TNFSF4: variants seen among roughly 807,000 people sequenced by gnomAD.
TNFSF4 encodes TNF superfamily member 4.
TNFSF4 carries 4 observed loss-of-function variants against 7.3 expected under a neutral mutation model. The observed-to-expected ratio is 0.55, with a 90% CI of 0.27 to 1.25. TNFSF4 has a LOEUF of 1.25. TNFSF4 is among the 50% of genes most tolerant of loss of function. The pLI is 0.12. For missense variants in TNFSF4, 181 were observed against 208.8 expected, an observed-to-expected ratio of 0.87 and a Z score of 0.82; for synonymous variants, 76 against 83.7, an observed-to-expected ratio of 0.91 and a Z score of 0.50.
At chr1:173,378,516 G>A in the TNFSF4 span, among the ~76,000 whole-genome samples, 1,487 of 152,272 alleles carry the variant, frequency 9.8e-3, 23 homozygotes, top group African/African-American at 0.033. Flanking sequence ...CACAAACCCT[G>A]AAAAAGAGGT....
At chr1:173,316,594 G>T in the TNFSF4 span, among the ~76,000 whole-genome samples, 1 of 152,036 alleles carries the variant, frequency 6.6e-6, no homozygotes. Context: ...AATGTGGTAT[G>T]CATCAATGTT....
At chr1:173,231,308 C>T in the TNFSF4 span, among the ~76,000 whole-genome samples, 2 of 152,058 alleles carry the variant, frequency 1.3e-5, no homozygotes, top group African/African-American at 2.4e-5. Context: ...AATCAATAAA[C>T]ATATTCCAGC....
chr1:173,277,719 A>G, the TNFSF4 span, among the ~76,000 whole-genome samples: 3 of 152,164 alleles, frequency 2.0e-5, no homozygotes, highest in Non-Finnish European at 4.4e-5. Context: ...CTTACAATGT[A>G]TCAGGCACAT....
At chr1:173,399,213 C>T in the TNFSF4 span, among the ~76,000 whole-genome samples, 3 of 152,288 alleles carry the variant, frequency 2.0e-5, no homozygotes, top group South Asian at 6.2e-4. Context: ...ATGGTCCTCA[C>T]CCCTGCTCTA....
At chr1:173,226,920 AG>A in the TNFSF4 span, among the ~76,000 whole-genome samples, 2 of 152,230 alleles carry the variant, frequency 1.3e-5, no homozygotes, top group African/African-American at 2.4e-5. Flanking sequence ...TATAGAGAAA[AG>A]GGGAAGTATG....
chr1:173,421,550 C>G, the TNFSF4 span, among the ~76,000 whole-genome samples: 1 of 152,230 alleles, frequency 6.6e-6, no homozygotes, highest in East Asian at 1.9e-4. Context: ...TAAAATAATC[C>G]TTGTCACTGT....
chr1:173,260,349 T>C, the TNFSF4 span, among the ~76,000 whole-genome samples: 3 of 152,016 alleles, frequency 2.0e-5, no homozygotes, highest in East Asian at 5.8e-4. Flanking sequence ...AAGCACCAAA[T>C]ATGGAAAGGA....
chr1:173,398,409 C>CTTTTTTTTT, the TNFSF4 span, among the ~76,000 whole-genome samples: 32 of 101,572 alleles, frequency 3.2e-4, no homozygotes, highest in South Asian at 6.9e-4. Context: ...TATTTCTTTT[C>CTTTTTTTTT]TTTTTTTTTT....
At chr1:173,311,232 T>C in the TNFSF4 span, among the ~76,000 whole-genome samples, 84 of 152,166 alleles carry the variant, frequency 5.5e-4, no homozygotes, top group African/African-American at 2.0e-3. Context: ...TTTGCCTTTC[T>C]TTCCTGTGTA....
the TNFSF4 span, among the ~76,000 whole-genome samples, chr1:173,272,517 A>C: frequency 2.6e-5 from 4 of 152,094 alleles, no homozygotes; most frequent in Admixed American, 2.6e-4. Flanking sequence ...TTTCCCATCG[A>C]AATTCATGAA....
intron 1 of TNFSF4, among the ~76,000 whole-genome samples, chr1:173,203,890 C>G (rs1240969242): frequency 6.6e-6 from 1 of 152,162 alleles, no homozygotes; most frequent in Admixed American, 6.6e-5. Context: ...CCAGGTAAGA[C>G]TGGAAGCCTG....
the TNFSF4 span, among the ~76,000 whole-genome samples, chr1:173,379,260 C>A: frequency 3.9e-5 from 6 of 152,042 alleles, no homozygotes; most frequent in African/African-American, 1.4e-4. Context: ...CCCACTGGGA[C>A]CTCAACTCAA....
the TNFSF4 span, among the ~76,000 whole-genome samples, chr1:173,305,387 C>T: frequency 1.6e-4 from 24 of 151,964 alleles, no homozygotes; most frequent in Admixed American, 3.3e-4. Flanking sequence ...GGATGAAACA[C>T]GCTTAAGTGG....
At chr1:173,282,920 T>A in the TNFSF4 span, among the ~76,000 whole-genome samples, 1 of 152,234 alleles carries the variant, frequency 6.6e-6, no homozygotes, top group Non-Finnish European at 1.5e-5. Flanking sequence ...CATTTCCATT[T>A]ATTAAATAAT....
chr1:173,302,984 T>C, the TNFSF4 span, among the ~76,000 whole-genome samples: 2 of 151,852 alleles, frequency 1.3e-5, no homozygotes, highest in Non-Finnish European at 2.9e-5. Flanking sequence ...TAGGTATTAA[T>C]TGAGGATTCC....
chr1:173,446,650 T>C, the TNFSF4 span, among the ~76,000 whole-genome samples: 10 of 152,216 alleles, frequency 6.6e-5, no homozygotes. Context: ...AGTACAGCTA[T>C]AAAGGCATGC....
At chr1:173,402,995 G>A in the TNFSF4 span, among the ~76,000 whole-genome samples, 1 of 152,128 alleles carries the variant, frequency 6.6e-6, no homozygotes, top group Admixed American at 6.6e-5. Context: ...TGGGACCACA[G>A]GTGCTCACCA....
the TNFSF4 span, among the ~76,000 whole-genome samples, chr1:173,421,559 G>A: frequency 2.0e-3 from 303 of 152,090 alleles, 2 homozygotes; most frequent in South Asian, 1.9e-3. Context: ...CCTTGTCACT[G>A]TTCTCAACTA....
At chr1:173,415,425 AG>A in the TNFSF4 span, among the ~76,000 whole-genome samples, 1 of 152,200 alleles carries the variant, frequency 6.6e-6, no homozygotes, top group African/African-American at 2.4e-5. Context: ...CCTTAGGAAA[AG>A]GAAGATAGAA....
Sources: allele counts gnomAD v4.1 joint callset (sites outside exome capture counted in the v4.1 genomes callset), GRCh38; gene constraint gnomAD v4.1.1; transcripts MANE v1.5; gene names NCBI Gene and HGNC (gene_info 2026-07-23, HGNC 2026-07-21).